The following CTNNA1 variants were observed in gnomAD, a reference collection of about 807,000 sequenced individuals.
CTNNA1 encodes catenin alpha-1.
A neutral mutation model predicts 98.4 loss-of-function variants in CTNNA1; 37 were observed. The observed-to-expected ratio is 0.38, with a 90% CI of 0.29 to 0.49. CTNNA1 has a LOEUF of 0.49. Ranked by LOEUF, CTNNA1 falls within the 20% of genes least tolerant of loss-of-function variation. The probability of loss-of-function intolerance (pLI) is 0.95; values close to 1 mark genes in which losing one functional copy is unlikely to be tolerated. For synonymous variants in CTNNA1, 404 were observed against 413.2 expected, an observed-to-expected ratio of 0.98 and a Z score of 0.27; for missense variants, 761 against 1,147.2, an observed-to-expected ratio of 0.66 and a Z score of 4.86.
At chr5:138,841,190 T>A (rs1283098107) in intron 7 of CTNNA1, among the ~76,000 whole-genome samples, 1 of 152,234 alleles carries the variant, frequency 6.6e-6, no homozygotes. Flanking sequence ...TGACTGCTAA[T>A]GAAGTCCTTG....
intron 5 of CTNNA1, among the ~76,000 whole-genome samples, chr5:138,814,609 A>T (rs1759219726): frequency 6.6e-6 from 1 of 152,230 alleles, no homozygotes; most frequent in African/African-American, 2.4e-5. Context: ...TATTTAAAAG[A>T]TACAATTTGG....
At chr5:138,810,241 C>T in intron 4 of CTNNA1, 37 bp downstream of exon 4, 1 of 1,592,352 alleles carries the variant, frequency 6.3e-7, no homozygotes, top group Non-Finnish European at 8.6e-7. Context: ...TTTGTTCTAT[C>T]ACAGGAAGAT....
Position 138,874,138 on chromosome 5 carries a change from A to C in CTNNA1, c.1063-12074A>C. 3 of 1,613,750 alleles carry C rather than the reference A, an allele frequency of 1.9e-6. No homozygotes were observed. The highest frequency in any genetic ancestry group is 2.5e-6 in the Non-Finnish European group (3 of 1,179,710). ...GGTGCAGAGATGACAGCTGATTAAA[A>C]GACAGGTCCAAATTTTGCAGGTTAA... On this transcript the variant is annotated intron_variant, in intron 7 of 17. Transcript: ENST00000302763. The surrounding 1 kb of genome is among the most constrained non-coding windows in gnomAD (Gnocchi z 4.1).
chr5:138,773,450 A>G (rs1333909900), intron 1 of CTNNA1, among the ~76,000 whole-genome samples: 1 of 152,186 alleles, frequency 6.6e-6, no homozygotes. Flanking sequence ...ACAGAAAGAG[A>G]AGGCCAGTGT....
chr5:138,793,384 G>C (rs1319888926), intron 3 of CTNNA1, among the ~76,000 whole-genome samples: 2 of 152,196 alleles, frequency 1.3e-5, no homozygotes, highest in Non-Finnish European at 2.9e-5. Context: ...CTTGTGTTCT[G>C]CTGTAGCCAG....
intron 10 of CTNNA1, among the ~76,000 whole-genome samples, chr5:138,913,160 T>G (rs1761017860): frequency 6.6e-6 from 1 of 152,200 alleles, no homozygotes. Flanking sequence ...AGATTTAACC[T>G]TTACATATTT....
Position 138,905,111 on chromosome 5 carries a change from A to AAATAC in CTNNA1, c.1389+671_1389+672insATACA, listed in dbSNP as rs1554105203. ...TCCGTCTCAAAAAAAAAAAAAAAAA[A>AAATAC]ATACATACATACATACATAAATACA... On this transcript the variant is annotated intron_variant, in intron 10 of 17. Coordinates refer to ENST00000302763, the MANE Select transcript of CTNNA1 (RefSeq NM_001903.5). Among the ~76,000 whole-genome samples, 24 of 139,320 alleles carry AAATAC rather than the reference A, an allele frequency of 1.7e-4. No homozygotes were observed. In the East Asian group the frequency reaches 2.6e-3, roughly 15 times the overall value. 91.4% of individuals were successfully genotyped at this position (139,320 alleles called of 152,430 possible).
intron 7 of CTNNA1, among the ~76,000 whole-genome samples, chr5:138,879,369 A>G (rs531114464): frequency 3.3e-5 from 5 of 152,224 alleles, no homozygotes; most frequent in South Asian, 2.1e-4. Context: ...GAATCTTTCA[A>G]TAGTAGAGTG....
Position 138,933,871 on chromosome 5 carries a change from G to A in CTNNA1, c.2503G>A (p.Ala835Thr), listed in dbSNP as rs924303936. The change falls in exon 18 of 18, where the codon GCA (alanine) becomes ACA (threonine). Residue 835 changes from alanine (A) to threonine (T), a missense_variant. By Grantham distance (58) the Ala-to-Thr change is moderately conservative (BLOSUM62 0). Transcript: ENST00000302763. ...GAATGCTGTGGTGCAGACAGTGAAG[G>A]CATCCTACGTCGCCTCTACCAAATA... is the stretch of plus-strand genomic sequence containing the variant. ...LMNAVVQTVKASYVASTKYQK... is the reference protein window; with the variant it reads ...LMNAVVQTVKTSYVASTKYQK... 1 of 1,614,156 alleles carries A rather than the reference G, an allele frequency of 6.2e-7. No individual in the cohort carries two copies. The highest frequency in any genetic ancestry group is 8.5e-7 in the Non-Finnish European group (1 of 1,180,018).
chr5:138,781,195 T>C lies in CTNNA1; in HGVS notation c.-2-728T>C, dbSNP rs190345911. ...ATACCTTTTAGATACTACTGTACCATGAATGTTGTGGAGTAGGAAAAATCA... is the reference window on the plus strand; with the variant it reads ...ATACCTTTTAGATACTACTGTACCACGAATGTTGTGGAGTAGGAAAAATCA... On this transcript the variant is annotated intron_variant, in intron 1 of 17. Transcript: ENST00000302763. Among the ~76,000 whole-genome samples, 105 of 152,336 alleles carry C rather than the reference T, an allele frequency of 6.9e-4. 1 individual carries two copies. Among genetic ancestry groups the C allele is most frequent in the Non-Finnish European group, 3.7e-4 (25 of 68,026 alleles).
At chr5:138,862,258 C>G (rs1764352297) in intron 7 of CTNNA1, among the ~76,000 whole-genome samples, 1 of 152,176 alleles carries the variant, frequency 6.6e-6, no homozygotes, top group African/African-American at 2.4e-5. Context: ...GCCCACACCC[C>G]TCAATAATTC....
intron 9 of CTNNA1, among the ~76,000 whole-genome samples, chr5:138,898,464 C>T (rs539470844): frequency 8.1e-4 from 123 of 152,112 alleles, no homozygotes; most frequent in Non-Finnish European, 1.3e-3. Context: ...ATTATTCACA[C>T]ACTTAGGTAG....
Position 138,850,031 on chromosome 5 carries a change from C to T in CTNNA1, c.1062+22313C>T, listed in dbSNP as rs1763054034. Among the ~76,000 whole-genome samples the T allele has an allele frequency of 2.0e-5, 3 of 152,000 alleles. No individual in the cohort carries two copies. In the South Asian group the frequency reaches 6.2e-4, roughly 32 times the overall value. Reference sequence around the variant, plus strand: ...ACTCTCTCTCTTAAGATTTTTGTGTCTTTTGACTTATATGGAAAGTTATTA... The same window carrying T: ...ACTCTCTCTCTTAAGATTTTTGTGTTTTTTGACTTATATGGAAAGTTATTA... On this transcript the variant is annotated intron_variant, in intron 7 of 17. Coordinates refer to ENST00000302763, the MANE Select transcript of CTNNA1 (RefSeq NM_001903.5).
At position 138,873,613 on chromosome 5, in the gene CTNNA1, G is replaced by A. The variant is rs772215795; in HGVS notation, c.1063-12599G>A. The A allele has an allele frequency of 1.9e-6, 3 of 1,614,002 alleles. No individual in the cohort carries two copies. Among genetic ancestry groups the A allele is most frequent in the Middle Eastern group, 1.6e-4 (1 of 6,062 alleles). On this transcript the variant is annotated intron_variant, in intron 7 of 17. Coordinates refer to ENST00000302763, the MANE Select transcript of CTNNA1 (RefSeq NM_001903.5). This position sits in a 1 kb window ranked among gnomAD's most constrained non-coding sequence, Gnocchi z 6.1. ...AGGAGGCCAGAGCACATATTCGGGC[G>A]CTGCATTCCCACAGATTGCCAGAGA...
chr5:138,857,791 A>G (rs1763860662), intron 7 of CTNNA1, among the ~76,000 whole-genome samples: 1 of 152,234 alleles, frequency 6.6e-6, no homozygotes, highest in Non-Finnish European at 1.5e-5. Flanking sequence ...TGGCTCCAGA[A>G]TTTGAGCCCT....
chr5:138,828,032 T>A (rs28363413), intron 7 of CTNNA1: 3,963 of 260,880 alleles, frequency 0.015, 149 homozygotes, highest in African/African-American at 0.081. Context: ...GTATGGTATA[T>A]ACACAAACAT....
At chr5:138,896,427 C>A (rs895601654) in intron 9 of CTNNA1, among the ~76,000 whole-genome samples, 1 of 152,146 alleles carries the variant, frequency 6.6e-6, no homozygotes, top group South Asian at 2.1e-4. Flanking sequence ...GAATATTCGC[C>A]ATGAGATCTC....
chr5:138,770,428 T>C (rs1417154720), intron 1 of CTNNA1, among the ~76,000 whole-genome samples: 1 of 152,206 alleles, frequency 6.6e-6, no homozygotes, highest in East Asian at 1.9e-4. Context: ...AACATAGATA[T>C]CCAGTCCATA....
chr5:138,925,627 T>C lies in CTNNA1; in HGVS notation c.1899+220T>C, dbSNP rs28363473. Reference sequence around the variant, plus strand: ...GGCCAAGAAGGGGAGCTAGCCTGAGTTGACGATTTAATTTAGGATAAACAG... The same window carrying C: ...GGCCAAGAAGGGGAGCTAGCCTGAGCTGACGATTTAATTTAGGATAAACAG... On this transcript the variant is annotated intron_variant, in intron 13 of 17. Coordinates refer to ENST00000302763, the MANE Select transcript of CTNNA1 (RefSeq NM_001903.5). 2.6e-4 allele frequency: 143 copies of C among 557,692 alleles called. 1 individual carries two copies. The highest frequency in any genetic ancestry group is 2.4e-3 in the African/African-American group (126 of 53,162). The allele number at this position is 557,692 out of a possible 1,614,324, so 34.5% of individuals were successfully genotyped here. A position where few individuals can be genotyped will look rare whatever the true frequency, so the allele number is the denominator to read the frequency against.
Sources: allele counts gnomAD v4.1 joint callset (sites outside exome capture counted in the v4.1 genomes callset), GRCh38; gene constraint gnomAD v4.1.1; non-coding constraint Gnocchi (gnomAD v3.1); transcripts MANE v1.5; gene names NCBI Gene and HGNC (gene_info 2026-07-23, HGNC 2026-07-21).